HSPA14: variants seen among roughly 807,000 people sequenced by gnomAD.
HSPA14 encodes the protein heat shock protein family A (Hsp70) member 14.
In HSPA14, 37 loss-of-function variants were observed where a neutral mutation model predicts 65.5. The ratio of observed to expected loss-of-function variants is 0.56; its 90% CI spans 0.43 to 0.74. The LOEUF is 0.74. Among genes scored for constraint, HSPA14 ranks in the 30% least tolerant of loss-of-function variants. The pLI, the probability that HSPA14 is intolerant of heterozygous loss-of-function variation, is 0.00. For synonymous variants in HSPA14, 203 were observed against 214.2 expected, an observed-to-expected ratio of 0.95 and a Z score of 0.46; for missense variants, 564 against 607.6, an observed-to-expected ratio of 0.93 and a Z score of 0.75.
At chr10:14,843,512 C>G (rs1271679376) in intron 3 of HSPA14, 1 of 1,550,652 alleles carries the variant, frequency 6.4e-7, no homozygotes, top group South Asian at 1.2e-5. Context: ...CGCAGCACTC[C>G]TGGGGTAGCC....
At chr10:14,863,170 A>T (rs1832771295) in intron 10 of HSPA14, among the ~76,000 whole-genome samples, 1 of 152,110 alleles carries the variant, frequency 6.6e-6, no homozygotes, top group Admixed American at 6.6e-5. Flanking sequence ...GGTTATGAGG[A>T]GGTATTCTTT....
Position 14,871,730 on chromosome 10 carries a change from A to C in HSPA14, c.*124A>C, listed in dbSNP as rs769295054. On this transcript the variant is annotated 3_prime_UTR_variant, in exon 14 of 14. Coordinates refer to ENST00000378372, the MANE Select transcript of HSPA14 (RefSeq NM_016299.4). ...ATAAACTATGTTTTATTAAACTACAATATATCAGTAAGTGTTGCAACCCTT... is the reference window on the plus strand; with the variant it reads ...ATAAACTATGTTTTATTAAACTACACTATATCAGTAAGTGTTGCAACCCTT... The C allele has an allele frequency of 3.1e-5, 16 of 511,202 alleles. No individual in the cohort carries two copies. Among genetic ancestry groups the C allele is most frequent in the Admixed American group, 8.1e-5 (2 of 24,824 alleles). 31.7% of individuals were successfully genotyped at this position (511,202 alleles called of 1,614,324 possible). A position where few individuals can be genotyped will look rare whatever the true frequency, so the allele number is the denominator to read the frequency against.
Position 14,849,729 on chromosome 10 carries a change from C to A in HSPA14, c.385C>A (p.His129Asn). The change falls in exon 6 of 14, where the codon CAT (histidine) becomes AAT (asparagine). Residue 129 changes from histidine to asparagine, a missense_variant. His to Asn is a moderately conservative substitution (Grantham distance 68, BLOSUM62 1). Coordinates refer to ENST00000378372, the MANE Select transcript of HSPA14 (RefSeq NM_016299.4). ...LIFSKMKETA[H>N]SVLGSDANDV... ...TATTTTTTAATATGCAGAAACGGCA[C>A]ATTCTGTATTGGGCTCAGATGCAAA... The A allele has an allele frequency of 6.2e-7, 1 of 1,601,148 alleles. No individual in the cohort carries two copies. Among genetic ancestry groups the A allele is most frequent in the Non-Finnish European group, 8.5e-7 (1 of 1,175,454 alleles).
At chr10:14,854,068 A>G (rs1834127599) in intron 8 of HSPA14, 57 bp from the exon 9 acceptor site, 1 of 1,412,178 alleles carries the variant, frequency 7.1e-7, no homozygotes, top group Non-Finnish European at 9.6e-7. Flanking sequence ...GATCTTAGTT[A>G]CAATATTGTA....
chr10:14,844,205 T>A, intron 3 of HSPA14: 1 of 1,148,870 alleles, frequency 8.7e-7, no homozygotes, highest in South Asian at 1.7e-5. Context: ...ATCCGTAAAA[T>A]GGGGATCAAT....
intron 3 of HSPA14, chr10:14,846,648 T>A (rs1386869241): frequency 4.9e-5 from 46 of 945,278 alleles, no homozygotes; most frequent in Non-Finnish European, 5.8e-5. Flanking sequence ...GGGAAACTCA[T>A]AATTGTCCTA....
At chr10:14,839,083 G>A (rs1833934351) in intron 1 of HSPA14, among the ~76,000 whole-genome samples, 1 of 152,336 alleles carries the variant, frequency 6.6e-6, no homozygotes, top group East Asian at 1.9e-4. Flanking sequence ...TGGCTGTGAA[G>A]CCAGTTGATG....
intron 10 of HSPA14, among the ~76,000 whole-genome samples, chr10:14,864,722 C>T (rs1270743749): frequency 6.6e-6 from 1 of 152,172 alleles, no homozygotes; most frequent in East Asian, 1.9e-4. Context: ...TCCAGTCTAT[C>T]CTTATCAGAC....
intron 3 of HSPA14, chr10:14,843,648 C>T (rs1041855782): frequency 8.4e-6 from 13 of 1,549,822 alleles, no homozygotes; most frequent in Admixed American, 3.9e-5. Flanking sequence ...CCAGGACTAT[C>T]GCAGCCGAGT....
chr10:14,841,461 A>G (rs1564318923), intron 3 of HSPA14, among the ~76,000 whole-genome samples: 1 of 152,182 alleles, frequency 6.6e-6, no homozygotes. Context: ...AGAGACATCA[A>G]ACACATTGCT....
At chr10:14,867,329 G>A in intron 11 of HSPA14, 34 bp downstream of exon 11, 1 of 1,433,158 alleles carries the variant, frequency 7.0e-7, no homozygotes, top group Non-Finnish European at 9.8e-7. Flanking sequence ...GTTAAGGTAT[G>A]TTTAGCTTTT....
At chr10:14,862,172 C>T (rs544058034) in intron 10 of HSPA14, among the ~76,000 whole-genome samples, 21 of 149,216 alleles carry the variant, frequency 1.4e-4, no homozygotes, top group South Asian at 6.3e-4. Context: ...GACTAACAGG[C>T]GCCTGCCACC....
Position 14,838,444 on chromosome 10 carries a change from T to C in HSPA14, c.42T>C (p.Cys14=), listed in dbSNP as rs1833919975. ...IGVHLGCTSA[C]VAVYKDGRAG... ...TTCACCTGGGCTGCACCTCAGCCTGTGTGGCCGTCTATAAGGTGAGGGGCT... is the reference window on the plus strand; with the variant it reads ...TTCACCTGGGCTGCACCTCAGCCTGCGTGGCCGTCTATAAGGTGAGGGGCT... Residue 14 remains cysteine (C), a synonymous_variant, in exon 1 of 14, where the codon TGT becomes TGC. Coordinates refer to ENST00000378372, the MANE Select transcript of HSPA14 (RefSeq NM_016299.4). 1.2e-6 allele frequency: 2 copies of C among 1,606,046 alleles called. No individual in the cohort carries two copies. The highest frequency in any genetic ancestry group is 1.1e-5 in the South Asian group (1 of 89,902).
At chr10:14,866,704 T>G (rs1832809741) in intron 10 of HSPA14, among the ~76,000 whole-genome samples, 1 of 152,178 alleles carries the variant, frequency 6.6e-6, no homozygotes, top group Admixed American at 6.5e-5. Flanking sequence ...AAAAATGCTT[T>G]AAGATTCAAA....
At chr10:14,844,116 G>A in intron 3 of HSPA14, 1 of 1,367,588 alleles carries the variant, frequency 7.3e-7, no homozygotes, top group Non-Finnish European at 9.4e-7. Context: ...GAAAACGATG[G>A]AGCCACGTTC....
At position 14,855,930 on chromosome 10, in the gene HSPA14, A is replaced by T. The variant is rs116239900; in HGVS notation, c.980A>T (p.Asp327Val). ...GLLDQNGFTA[D>V]DINKVVLCGG... ...TTAGATCAAAATGGATTTACAGCAG[A>T]TGATATCAACAAGGTAATGCTTTTA... The change falls in exon 10 of 14, where the codon GAT becomes GTT. Residue 327 changes from aspartate (D) to valine (V), a missense_variant. Asp to Val is a radical substitution (Grantham distance 152). Coordinates refer to ENST00000378372, the MANE Select transcript of HSPA14 (RefSeq NM_016299.4). The T allele has an allele frequency of 7.0e-5, 109 of 1,565,880 alleles. No individual in the cohort carries two copies. The highest frequency in any genetic ancestry group is 9.3e-5 in the Non-Finnish European group (106 of 1,136,738).
At position 14,842,755 on chromosome 10, in the gene HSPA14, G is replaced by A. The variant is rs1833991055; in HGVS notation, c.221+2598G>A. ...ATCAGCCTATCTTGAAAACAGTTAAGGCATCAGATGAGGATTGTCAGCTAA... is the reference window on the plus strand; with the variant it reads ...ATCAGCCTATCTTGAAAACAGTTAAAGCATCAGATGAGGATTGTCAGCTAA... On this transcript the variant is annotated intron_variant, in intron 3 of 13. Transcript: ENST00000378372. The surrounding 1 kb of genome is among the most constrained non-coding windows in gnomAD (Gnocchi z 5.2). 6.5e-7 allele frequency: 1 copy of A among 1,536,532 alleles called. No homozygotes were observed. The highest frequency in any genetic ancestry group is 1.2e-5 in the South Asian group (1 of 84,058).
At position 14,845,889 on chromosome 10, in the gene HSPA14, G is replaced by A. The variant is rs914396103; in HGVS notation, c.222-2720G>A. The stretch of plus-strand genomic sequence containing the variant: ...TTCATGCCTCAATTTCTTTATCTCC[G>A]GATTGAGGGATTTGTATTAGATTTT... On this transcript the variant is annotated intron_variant, in intron 3 of 13. Coordinates refer to ENST00000378372, the MANE Select transcript of HSPA14 (RefSeq NM_016299.4). 8 of 449,098 alleles carry A rather than the reference G, an allele frequency of 1.8e-5. No individual in the cohort carries two copies. The South Asian group carries it at 2.8e-4, about 16-fold the overall frequency. The allele number at this position is 449,098 out of a possible 1,614,324, so 27.8% of individuals were successfully genotyped here.
intron 3 of HSPA14, chr10:14,846,427 G>A (rs1030098669): frequency 1.0e-6 from 1 of 985,292 alleles, no homozygotes; most frequent in Admixed American, 6.1e-5. Context: ...TAACCCTAAT[G>A]TGGGAATAAA....
Sources: gnomAD v4.1 joint callset for allele counts (sites outside exome capture counted in the v4.1 genomes callset) on GRCh38, gnomAD v4.1.1 for gene constraint, Gnocchi (gnomAD v3.1) non-coding constraint, MANE v1.5 for transcripts, NCBI Gene and HGNC (gene_info 2026-07-23, HGNC 2026-07-21) for gene names.